GOLGA4: variants seen among roughly 807,000 people sequenced by gnomAD.
GOLGA4 encodes golgin A4.
Under a neutral mutation model 265.9 loss-of-function variants are expected in GOLGA4, and 169 were observed. That is an observed-to-expected ratio of 0.64 (90% CI 0.56 to 0.72). The LOEUF is 0.72. Ranked by LOEUF, GOLGA4 falls within the 30% of genes least tolerant of loss-of-function variation. The pLI is 0.00. For missense variants in GOLGA4, 2,482 were observed against 2,483.4 expected, an observed-to-expected ratio of 1.00 and a Z score of 0.01; for synonymous variants, 923 against 855.8, an observed-to-expected ratio of 1.08 and a Z score of -1.37.
chr3:37,306,375 A>C (rs1192419088), intron 10 of GOLGA4, among the ~76,000 whole-genome samples: 1 of 152,160 alleles, frequency 6.6e-6, no homozygotes, highest in Non-Finnish European at 1.5e-5. Flanking sequence ...TAAACTTGGA[A>C]AAGTTTGGTG....
intron 21 of GOLGA4, among the ~76,000 whole-genome samples, chr3:37,350,775 G>C (rs992884851): frequency 6.6e-5 from 10 of 151,966 alleles, no homozygotes; most frequent in Non-Finnish European, 1.3e-4. Flanking sequence ...CTATACTGTA[G>C]CCTATTAAGT....
chr3:37,294,128 C>G (rs1327783933), intron 5 of GOLGA4, among the ~76,000 whole-genome samples: 1 of 151,958 alleles, frequency 6.6e-6, no homozygotes, highest in Admixed American at 6.6e-5. Flanking sequence ...TGCAGAGAGA[C>G]AAAAATCAAT....
intron 23 of GOLGA4, among the ~76,000 whole-genome samples, chr3:37,362,058 C>T (rs539522705): frequency 3.9e-5 from 6 of 152,214 alleles, no homozygotes; most frequent in Non-Finnish European, 5.9e-5. Context: ...CTAGAATTTT[C>T]ACAAAATCAA....
rs1287171474 is a variant in GOLGA4 at position 37,325,247 on chromosome 3, C to G, written c.3361C>G (p.His1121Asp). 3 of 1,612,688 alleles carry G rather than the reference C, an allele frequency of 1.9e-6. No homozygotes were observed. The highest frequency in any genetic ancestry group is 1.7e-6 in the Non-Finnish European group (2 of 1,179,272). Residue 1121 changes from histidine to aspartate, a missense_variant, in exon 14 of 24, where the codon CAT (histidine) becomes GAT (aspartate). By Grantham distance (81) the His-to-Asp change is moderately conservative (BLOSUM62 -1). Around this residue, in one of 3 missense-constraint regions of GOLGA4, gnomAD observed 1,536 missense variants for 1,483.7 expected, o/e 1.04. Transcript: ENST00000361924. ...GGAACAGTTAAAGCAGAAGTCTGCC[C>G]ATGTGAATTCTCTTGCACAAGATGA... ...LQEQLKQKSA[H>D]VNSLAQDETK...
rs780891023 is a variant in GOLGA4 at position 37,302,280 on chromosome 3, G to T, written c.1182G>T (p.Met394Ile). Residue 394 changes from methionine to isoleucine, a missense_variant, in exon 10 of 24, where the codon ATG becomes ATT. Physicochemically the swap from Met to Ile is conservative, Grantham distance 10. Transcript: ENST00000361924. ...IAQLRSRIKQ[M>I]TTQGEELREQ... ...AACTCCGTAGTCGCATCAAACAGAT[G>T]ACTACCCAGGGAGAGGAATTACGGG... 1.2e-5 allele frequency: 19 copies of T among 1,613,408 alleles called. No individual in the cohort carries two copies. The highest frequency in any genetic ancestry group is 1.4e-5 in the Non-Finnish European group (17 of 1,179,496).
At chr3:37,276,960 AT>A (rs1366222272) in intron 2 of GOLGA4, among the ~76,000 whole-genome samples, 2 of 152,190 alleles carry the variant, frequency 1.3e-5, no homozygotes, top group African/African-American at 4.8e-5. Context: ...TCTGTTATTA[AT>A]ACATAAATGA....
In GOLGA4 at chr3:37,327,136, G is replaced by A; in HGVS notation, c.5250G>A (p.Lys1750=). ...AAAGAAACTTAACTGAAAAAGAAAA[G>A]CTATTGCAGAGGGTAGGGCAGGAAA... ...VLQRNLTEKE[K]LLQRVGQEKE... is the part of the protein sequence containing the mutation. Residue 1750 remains lysine, a synonymous_variant, in exon 14 of 24, where the codon AAG becomes AAA. Transcript: ENST00000361924. The A allele has an allele frequency of 2.5e-6, 4 of 1,613,602 alleles. No homozygotes were observed. Among genetic ancestry groups the A allele is most frequent in the Non-Finnish European group, 3.4e-6 (4 of 1,179,774 alleles).
At position 37,243,313 on chromosome 3, in the gene GOLGA4, G is replaced by C. The variant is rs1158694066; in HGVS notation, c.-238G>C. The C allele has an allele frequency of 1.8e-6, 1 of 560,444 alleles. No homozygotes were observed. The highest frequency in any genetic ancestry group is 3.2e-6 in the Non-Finnish European group (1 of 314,682). 34.7% of individuals were successfully genotyped at this position (560,444 alleles called of 1,614,324 possible). On this transcript the variant is annotated 5_prime_UTR_variant, in exon 1 of 24. Coordinates refer to ENST00000361924, the MANE Select transcript of GOLGA4 (RefSeq NM_002078.5). ...TGTCGTCGCCGCCGCGGCTCCCGGG[G>C]CTGGATGGGGGGCCGAGGCCAGCCA...
Position 37,327,331 on chromosome 3 carries a change from T to A in GOLGA4, c.5445T>A (p.His1815Gln). The change falls in exon 14 of 24, where the codon CAT (histidine) becomes CAA (glutamine). Residue 1815 changes from histidine to glutamine, a missense_variant. This residue lies in a region of GOLGA4 where 942 missense variants were observed against 983.1 expected (regional missense o/e 0.96). Transcript: ENST00000361924. ...NKKYSLIVAQHVEKEGGKNNI... is the reference protein window; with the variant it reads ...NKKYSLIVAQQVEKEGGKNNI... ...AATATTCCTTGATAGTAGCCCAGCA[T>A]GTGGAAAAAGAAGGAGGTAAAAATA... 1 of 1,613,794 alleles carries A rather than the reference T, an allele frequency of 6.2e-7. No individual in the cohort carries two copies. The highest frequency in any genetic ancestry group is 8.5e-7 in the Non-Finnish European group (1 of 1,179,810).
At chr3:37,260,158 A>G (rs1388861406) in intron 2 of GOLGA4, among the ~76,000 whole-genome samples, 11 of 46,342 alleles carry the variant, frequency 2.4e-4, no homozygotes, top group African/African-American at 1.6e-3. Context: ...TTGATGAGCT[A>G]AAAAAAAAAA....
At chr3:37,290,792 G>C (rs891304555) in intron 5 of GOLGA4, among the ~76,000 whole-genome samples, 3 of 152,110 alleles carry the variant, frequency 2.0e-5, no homozygotes, top group Non-Finnish European at 2.9e-5. Context: ...GCAACAAAGG[G>C]GTTGTAGGAA....
chr3:37,348,875 A>G (rs1182715506), intron 21 of GOLGA4, among the ~76,000 whole-genome samples: 1 of 152,174 alleles, frequency 6.6e-6, no homozygotes, highest in Non-Finnish European at 1.5e-5. Context: ...CATAAGCATA[A>G]GAGGCTTATG....
chr3:37,336,053 A>G (rs1376054798), intron 17 of GOLGA4, among the ~76,000 whole-genome samples: 5 of 152,204 alleles, frequency 3.3e-5, no homozygotes, highest in Admixed American at 6.5e-5. Context: ...CACCAGTTAC[A>G]TGGATGACTT....
rs557108283 is a variant in GOLGA4, at chr3:37,358,267, C to T, written c.6664-2976C>T. ...CTTTGTAGCACTAATCAAAAGCTTTCTATGACTGCTGGTGAGGTACTTTTC... is the reference window on the plus strand; with the variant it reads ...CTTTGTAGCACTAATCAAAAGCTTTTTATGACTGCTGGTGAGGTACTTTTC... On this transcript the variant is annotated intron_variant, in intron 22 of 23. Coordinates refer to ENST00000361924, the MANE Select transcript of GOLGA4 (RefSeq NM_002078.5). 3.3e-5 allele frequency among the ~76,000 whole-genome samples: 5 copies of T among 152,302 alleles called. No homozygotes were observed. The South Asian group carries it at 1.0e-3, about 32-fold the overall frequency.
At chr3:37,363,657 G>A (rs980942214) in intron 23 of GOLGA4, among the ~76,000 whole-genome samples, 1 of 152,124 alleles carries the variant, frequency 6.6e-6, no homozygotes, top group Non-Finnish European at 1.5e-5. Context: ...GTATCTTTAA[G>A]AACAAGGACA....
chr3:37,316,135 A>C (rs1382586869), intron 11 of GOLGA4, among the ~76,000 whole-genome samples: 1 of 151,822 alleles, frequency 6.6e-6, no homozygotes, highest in East Asian at 1.9e-4. Flanking sequence ...TTTCAGAAAT[A>C]TGAACATGTC....
intron 2 of GOLGA4, among the ~76,000 whole-genome samples, chr3:37,260,138 CTAA>C (rs2096765341): frequency 7.1e-6 from 1 of 141,394 alleles, no homozygotes; most frequent in Non-Finnish European, 1.5e-5. Flanking sequence ...TACGCTAACA[CTAA>C]TAATAGTTGA....
At chr3:37,256,535 A>C (rs2096749273) in intron 2 of GOLGA4, among the ~76,000 whole-genome samples, 1 of 152,106 alleles carries the variant, frequency 6.6e-6, no homozygotes, top group Admixed American at 6.6e-5. Context: ...AGGAGAGTAG[A>C]CTGAATTTGC....
Position 37,327,393 on chromosome 3 carries a change from A to G in GOLGA4, c.5507A>G (p.Asp1836Gly). The G allele has an allele frequency of 6.2e-7, 1 of 1,613,962 alleles. No individual in the cohort carries two copies. Among genetic ancestry groups the G allele is most frequent in the Non-Finnish European group, 8.5e-7 (1 of 1,179,856 alleles). ...QAKQNLENVF[D>G]DVQKTLQEKE... ...AAGCAAAACTTGGAAAATGTGTTTG[A>G]CGACGTCCAGAAAACCCTCCAGGAG... Residue 1836 changes from aspartate (D) to glycine (G), a missense_variant, in exon 14 of 24, where the codon GAC becomes GGC. Asp to Gly is a moderately conservative substitution (Grantham distance 94). This residue lies in a region of GOLGA4 where 942 missense variants were observed against 983.1 expected (regional missense o/e 0.96). Transcript: ENST00000361924.
Sources: allele counts gnomAD v4.1 joint callset (sites outside exome capture counted in the v4.1 genomes callset), GRCh38; gene constraint gnomAD v4.1.1; regional missense constraint gnomAD v4.1.1; transcripts MANE v1.5; gene names NCBI Gene and HGNC (gene_info 2026-07-23, HGNC 2026-07-21).